RBFOX1: variants seen among roughly 807,000 people sequenced by gnomAD.
RBFOX1 encodes the protein RNA binding fox-1 homolog 1.
RBFOX1 carries 8 observed loss-of-function variants against 57.7 expected under a neutral mutation model. That is an observed-to-expected ratio of 0.14 (90% CI 0.08 to 0.25). The LOEUF (loss-of-function observed/expected upper bound fraction) is 0.25. Among genes scored for constraint, RBFOX1 ranks in the 10% least tolerant of loss-of-function variants. The pLI, the probability that RBFOX1 is intolerant of heterozygous loss-of-function variation, is 1.00. For missense variants in RBFOX1, 611 were observed against 548.5 expected (o/e 1.11, Z -1.14); for synonymous variants, 326 against 222.4 (o/e 1.47, Z -4.15).
At chr16:6,520,445 T>C (rs1323288334) in intron 2 of RBFOX1, among the ~76,000 whole-genome samples, 5 of 152,216 alleles carry the variant, frequency 3.3e-5, no homozygotes, top group African/African-American at 1.2e-4. Context: ...TGGTTCATTG[T>C]CTGAAGGGCC....
intron 3 of RBFOX1, among the ~76,000 whole-genome samples, chr16:6,905,008 C>G (rs978306410): frequency 2.6e-5 from 4 of 152,066 alleles, no homozygotes; most frequent in Non-Finnish European, 4.4e-5. Context: ...TGCTTGTTAG[C>G]ATGGTAAAAG....
intron 4 of RBFOX1, among the ~76,000 whole-genome samples, chr16:7,191,721 A>G (rs114695840): frequency 0.034 from 5,219 of 152,346 alleles, 109 homozygotes; most frequent in Non-Finnish European, 0.042. Flanking sequence ...AAAGAAACAA[A>G]AATTTTAAAG....
intron 3 of RBFOX1, among the ~76,000 whole-genome samples, chr16:6,802,531 C>G (rs921048312): frequency 1.3e-5 from 2 of 152,014 alleles, no homozygotes; most frequent in South Asian, 4.1e-4. Flanking sequence ...ACAAAAGTTA[C>G]TCGGGCATGG....
At chr16:5,931,896 C>T (rs1247051665) in intron 4 of RBFOX1, among the ~76,000 whole-genome samples, 2 of 152,176 alleles carry the variant, frequency 1.3e-5, no homozygotes, top group Non-Finnish European at 2.9e-5. Flanking sequence ...CAGCCTTGAC[C>T]TCCTGGGCTC....
chr16:6,476,701 A>C (rs560257560), intron 2 of RBFOX1, among the ~76,000 whole-genome samples: 7 of 152,124 alleles, frequency 4.6e-5, no homozygotes, highest in Non-Finnish European at 8.8e-5. Context: ...TGACTGTGGC[A>C]ATCTCTTAAA....
chr16:6,866,050 A>T (rs750476137), intron 3 of RBFOX1, among the ~76,000 whole-genome samples: 3 of 152,198 alleles, frequency 2.0e-5, no homozygotes, highest in Non-Finnish European at 2.9e-5. Context: ...GAAAGAAAAG[A>T]GTAAATCAGG....
chr16:7,410,076 G>A (rs1452463133), intron 4 of RBFOX1, among the ~76,000 whole-genome samples: 1 of 152,048 alleles, frequency 6.6e-6, no homozygotes, highest in African/African-American at 2.4e-5. Flanking sequence ...TGATGATGAT[G>A]ATGATGATAG....
intron 1 of RBFOX1, among the ~76,000 whole-genome samples, chr16:6,101,266 G>A (rs1351662174): frequency 1.3e-5 from 2 of 152,146 alleles, no homozygotes; most frequent in African/African-American, 4.8e-5. Flanking sequence ...TTCAGTGGGT[G>A]TAGGCCTCTG....
rs139779632 is a variant in RBFOX1, at chr16:7,291,310, C to A, written c.28-226837C>A. Among the ~76,000 whole-genome samples the A allele has an allele frequency of 1.8e-3, 270 of 152,212 alleles. 2 individuals carry two copies. The highest frequency in any genetic ancestry group is 6.3e-3 in the African/African-American group (263 of 41,534). ...GGGTATTTAAAATTCCTCTGTGGCA[C>A]CAATGTGAGGTATGAGTTGGGAAGA... On this transcript the variant is annotated intron_variant, in intron 4 of 15. Coordinates refer to ENST00000550418, the MANE Select transcript of RBFOX1 (RefSeq NM_018723.4).
intron 4 of RBFOX1, among the ~76,000 whole-genome samples, chr16:7,184,481 C>T (rs1280192991): frequency 6.6e-6 from 1 of 152,208 alleles, no homozygotes; most frequent in Non-Finnish European, 1.5e-5. Flanking sequence ...CATGTTTTTA[C>T]CTCCTCTGAC....
intron 3 of RBFOX1, among the ~76,000 whole-genome samples, chr16:6,828,408 C>T (rs1030268140): frequency 1.1e-4 from 16 of 152,008 alleles, no homozygotes; most frequent in Admixed American, 3.3e-4. Context: ...CCTTTAGACC[C>T]AGCTACTCAG....
At chr16:6,431,960 T>TCTTC (rs2094112590) in intron 2 of RBFOX1, among the ~76,000 whole-genome samples, 1 of 149,818 alleles carries the variant, frequency 6.7e-6, no homozygotes, top group Non-Finnish European at 1.5e-5. Flanking sequence ...TTTCTTTCTT[T>TCTTC]CTTTTTCTTT....
intron 10 of RBFOX1, 101 bp from the exon 11 acceptor site, chr16:7,630,500 CTA>C (rs1479054591): frequency 5.8e-6 from 9 of 1,554,146 alleles, no homozygotes; most frequent in Admixed American, 3.8e-5. Context: ...TGGGATGTGG[CTA>C]TGTTTTCATT....
At chr16:5,572,975 AT>A (rs1323426467) in intron 2 of RBFOX1, among the ~76,000 whole-genome samples, 1 of 152,120 alleles carries the variant, frequency 6.6e-6, no homozygotes, top group African/African-American at 2.4e-5. Context: ...CAGTGGAAGA[AT>A]GGCGTGACCT....
chr16:5,624,040 G>C (rs948870157), intron 3 of RBFOX1, among the ~76,000 whole-genome samples: 1 of 152,226 alleles, frequency 6.6e-6, no homozygotes, highest in Non-Finnish European at 1.5e-5. Flanking sequence ...GAGAAGAGCA[G>C]GGCAGATGGT....
At chr16:6,076,347 T>TAC (rs763484762) in intron 1 of RBFOX1, among the ~76,000 whole-genome samples, 7,474 of 150,560 alleles carry the variant, frequency 0.05, 477 homozygotes, top group African/African-American at 0.15. Flanking sequence ...CACACACACA[T>TAC]ACACACACAC....
At chr16:5,319,179 C>G (rs764212697) in intron 1 of RBFOX1, among the ~76,000 whole-genome samples, 1 of 152,076 alleles carries the variant, frequency 6.6e-6, no homozygotes, top group Non-Finnish European at 1.5e-5. Context: ...AGAGAGTTTT[C>G]TCTTATTGCA....
intron 1 of RBFOX1, among the ~76,000 whole-genome samples, chr16:5,257,672 A>G (rs1326675589): frequency 6.6e-6 from 1 of 152,106 alleles, no homozygotes; most frequent in Non-Finnish European, 1.5e-5. Flanking sequence ...CTCATCTTCC[A>G]TTCCTTTCTT....
At chr16:6,847,098 C>G (rs893875864) in intron 3 of RBFOX1, among the ~76,000 whole-genome samples, 8 of 152,186 alleles carry the variant, frequency 5.3e-5, no homozygotes, top group Non-Finnish European at 1.2e-4. Flanking sequence ...AGAACTTTAT[C>G]TTGCCTCAGT....
Sources: allele counts gnomAD v4.1 joint callset (sites outside exome capture counted in the v4.1 genomes callset), GRCh38; gene constraint gnomAD v4.1.1; transcripts MANE v1.5; gene names NCBI Gene and HGNC (gene_info 2026-07-23, HGNC 2026-07-21).